AOC1: variants seen among roughly 807,000 people sequenced by gnomAD.
The protein encoded by AOC1 is amine oxidase copper containing 1, also known as diamine oxidase [copper-containing].
In AOC1, 58 loss-of-function variants were observed where a neutral mutation model predicts 57.1. That is an observed-to-expected ratio of 1.02 (90% CI 0.82 to 1.26). AOC1 has a LOEUF of 1.26. AOC1 is among the 50% of genes most tolerant of loss of function. AOC1 has a pLI of 0.00. For synonymous variants in AOC1, 401 were observed against 423.4 expected, an observed-to-expected ratio of 0.95 and a Z score of 0.65; for missense variants, 917 against 1,005.3, an observed-to-expected ratio of 0.91 and a Z score of 1.19.
chr7:150,858,900 A>T lies in AOC1; in HGVS notation c.1708A>T (p.Lys570Ter). 1 of 1,613,584 alleles carries T rather than the reference A, an allele frequency of 6.2e-7. No homozygotes were observed. Among genetic ancestry groups the T allele is most frequent in the Admixed American group, 1.7e-5 (1 of 59,958 alleles). Residue 570 changes from lysine to a stop codon, truncating the protein, a stop_gained, in exon 3 of 5, where the codon AAA (lysine) becomes TAA (stop). Transcript: ENST00000360937. LOFTEE classifies it high-confidence loss of function. ...GGAGCGCCAGGCGGCCTTCCGCTTC[A>T]AAAGGAAGCTGCCTAAGTACCTGCT... The part of the protein sequence containing the change: ...SWERQAAFRF[K>*]RKLPKYLLFT...
intron 1 of AOC1, among the ~76,000 whole-genome samples, chr7:150,854,783 G>A (rs1286405794): frequency 6.6e-6 from 1 of 152,188 alleles, no homozygotes; most frequent in Admixed American, 6.5e-5. Context: ...GTCACTCCAC[G>A]ATACACCCAA....
Position 150,860,963 on chromosome 7 carries a change from G to T in AOC1, c.2010G>T (p.Thr670=). 1 of 1,613,140 alleles carries T rather than the reference G, an allele frequency of 6.2e-7. No homozygotes were observed. Residue 670 remains threonine (T), a synonymous_variant, in exon 5 of 5, where the codon ACG becomes ACT. Transcript: ENST00000360937. Reference sequence around the variant, plus strand: ...TGCAGGACCTGGTGGCCTGGGTGACGGTGGGCTTCCTGCACATCCCCCACT... The same window carrying T: ...TGCAGGACCTGGTGGCCTGGGTGACTGTGGGCTTCCTGCACATCCCCCACT... ...IENEDLVAWV[T]VGFLHIPHSE...
chr7:150,860,562 C>G lies in AOC1; in HGVS notation c.1918C>G (p.Gln640Glu), dbSNP rs1799939021. 1 of 1,613,964 alleles carries G rather than the reference C, an allele frequency of 6.2e-7. No homozygotes were observed. The highest frequency in any genetic ancestry group is 8.5e-7 in the Non-Finnish European group (1 of 1,179,958). The change falls in exon 4 of 5, where the codon CAG becomes GAG. Residue 640 changes from glutamine (Q) to glutamate (E), a missense_variant. By Grantham distance (29) the Gln-to-Glu change is conservative. Transcript: ENST00000360937. ...SELCSSSIYH[Q>E]NDPWHPPVVF... The stretch of plus-strand genomic sequence containing the variant: ...GCTGTGCAGCAGCAGCATCTACCAC[C>G]AGAACGACCCCTGGCACCCGCCCGT...
chr7:150,858,977 G>T lies in AOC1; in HGVS notation c.1785G>T (p.Leu595=), dbSNP rs1355086950. 3.7e-6 allele frequency: 6 copies of T among 1,605,904 alleles called. No individual in the cohort carries two copies. The South Asian group carries it at 6.6e-5, about 18-fold the overall frequency. ...GGGGCCACAAGCGCACGTACCGCCT[G>T]CAGATCCACTCCATGGCCGACCAGG... ...NPWGHKRTYR[L]QIHSMADQVL... Residue 595 remains leucine, a synonymous_variant, in exon 3 of 5, where the codon CTG becomes CTT. Transcript: ENST00000360937.
intron 1 of AOC1, among the ~76,000 whole-genome samples, chr7:150,853,695 A>ATATATATATATATATATT (rs1244012491): frequency 2.4e-5 from 2 of 84,266 alleles, no homozygotes; most frequent in Non-Finnish European, 4.4e-5. Context: ...ATATATATAT[A>ATATATATATATATATATT]TATTTATTTA....
In AOC1 at chr7:150,856,563, G is replaced by A. The variant is rs1799780981; in HGVS notation, c.93G>A (p.Gly31=). 3 of 1,614,082 alleles carry A rather than the reference G, an allele frequency of 1.9e-6. No homozygotes were observed. The highest frequency in any genetic ancestry group is 2.5e-6 in the Non-Finnish European group (3 of 1,179,966). Residue 31 remains glycine (G), a synonymous_variant, in exon 2 of 5, where the codon GGG becomes GGA. Transcript: ENST00000360937. This position sits in a 1 kb window ranked among gnomAD's most constrained non-coding sequence, Gnocchi z 5.2. The part of the protein sequence containing the change: ...PSPGTLPRKA[G]VFSDLSNQEL... ...CGGGGACTCTGCCCAGGAAGGCAGG[G>A]GTGTTTTCAGACCTAAGCAACCAAG...
intron 1 of AOC1, chr7:150,854,013 C>T (rs1057314568): frequency 1.3e-5 from 2 of 152,060 alleles, no homozygotes; most frequent in African/African-American, 4.8e-5. Flanking sequence ...CAGAGCAAGA[C>T]TGTCTCAGGA....
In AOC1 at chr7:150,857,210, A is replaced by G; in HGVS notation, c.740A>G (p.Glu247Gly). The change falls in exon 2 of 5, where the codon GAG becomes GGG. Residue 247 changes from glutamate to glycine, a missense_variant. Glu to Gly is a moderately conservative substitution (Grantham distance 98, BLOSUM62 -2). Coordinates refer to ENST00000360937, the MANE Select transcript of AOC1 (RefSeq NM_001091.4). This position sits in a 1 kb window ranked among gnomAD's most constrained non-coding sequence, Gnocchi z 6.6. The part of the protein sequence containing the change: ...WYNGKFYGSP[E>G]ELARKYADGE... ...AACGGGAAGTTCTATGGGAGCCCAG[A>G]GGAACTGGCTCGGAAGTATGCAGAT... is the stretch of plus-strand genomic sequence containing the variant. 6 of 1,613,044 alleles carry G rather than the reference A, an allele frequency of 3.7e-6. No homozygotes were observed. The highest frequency in any genetic ancestry group is 1.7e-4 in the Middle Eastern group (1 of 6,058).
chr7:150,856,684 A>T lies in AOC1; in HGVS notation c.214A>T (p.Ile72Phe). ...TTMAKNTVFL[I>F]EMLLPKKYHV... ...CATGGCCAAGAACACCGTGTTTCTC[A>T]TCGAGATGCTGCTGCCCAAGAAGTA... Residue 72 changes from isoleucine (I) to phenylalanine (F), a missense_variant, in exon 2 of 5, where the codon ATC (isoleucine) becomes TTC (phenylalanine). Ile to Phe is a conservative substitution (Grantham distance 21). Transcript: ENST00000360937. The surrounding 1 kb of genome is among the most constrained non-coding windows in gnomAD (Gnocchi z 5.2). The T allele has an allele frequency of 6.2e-7, 1 of 1,614,154 alleles. No individual in the cohort carries two copies.
rs1027307125 is a variant in AOC1 at position 150,852,935 on chromosome 7, G to T, written c.-17+377G>T. ...TCCTGGAAAAGCAAAAAGAAACGTG[G>T]GTATAAGAGGTTGTAAAAAAGGAGA... On this transcript the variant is annotated intron_variant, in intron 1 of 4. Coordinates refer to ENST00000360937, the MANE Select transcript of AOC1 (RefSeq NM_001091.4). This position sits in a 1 kb window ranked among gnomAD's most constrained non-coding sequence, Gnocchi z 4.6. Among the ~76,000 whole-genome samples the T allele has an allele frequency of 2.0e-5, 3 of 152,086 alleles. No homozygotes were observed. The highest frequency in any genetic ancestry group is 7.2e-5 in the African/African-American group (3 of 41,408).
chr7:150,860,361 T>C, intron 3 of AOC1, 140 bp from the exon 4 acceptor site: 2 of 1,457,270 alleles, frequency 1.4e-6, no homozygotes, highest in Non-Finnish European at 1.9e-6. Flanking sequence ...CCCGTCCTGC[T>C]GACTCCCAGG....
chr7:150,855,341 T>C (rs772512664), intron 1 of AOC1, among the ~76,000 whole-genome samples: 19 of 152,070 alleles, frequency 1.2e-4, no homozygotes, highest in Non-Finnish European at 2.1e-4. Flanking sequence ...CCAGCATCTG[T>C]AGCAACAGCG....
chr7:150,861,043 G>C lies in AOC1; in HGVS notation c.2090G>C (p.Arg697Pro). 6.2e-7 allele frequency: 1 copy of C among 1,614,050 alleles called. No homozygotes were observed. The highest frequency in any genetic ancestry group is 8.5e-7 in the Non-Finnish European group (1 of 1,179,972). The change falls in exon 5 of 5, where the codon CGG becomes CCG. Residue 697 changes from arginine (R) to proline (P), a missense_variant. Coordinates refer to ENST00000360937, the MANE Select transcript of AOC1 (RefSeq NM_001091.4). This position sits in a 1 kb window ranked among gnomAD's most constrained non-coding sequence, Gnocchi z 4.5. ...GGGAACTCCGTGGGCTTCCTGCTCC[G>C]GCCATTCAACTTCTTCCCAGAGGAC... is the stretch of plus-strand genomic sequence containing the variant. ...TPGNSVGFLL[R>P]PFNFFPEDPS...
rs982627031 is a variant in AOC1, at chr7:150,857,483, A to C, written c.1013A>C (p.Asn338Thr). ...TCCTCCTCCGGGCTGCAGGTCCTGAACGTGCACTTCGGCGGAGAGCGCATT... is the reference window on the plus strand; with the variant it reads ...TCCTCCTCCGGGCTGCAGGTCCTGACCGTGCACTTCGGCGGAGAGCGCATT... Reference protein sequence around the residue: ...LRSSSGLQVLNVHFGGERIAY... With the variant: ...LRSSSGLQVLTVHFGGERIAY... Residue 338 changes from asparagine (N) to threonine (T), a missense_variant, in exon 2 of 5, where the codon AAC becomes ACC. Asn to Thr is a moderately conservative substitution (Grantham distance 65). Coordinates refer to ENST00000360937, the MANE Select transcript of AOC1 (RefSeq NM_001091.4). This position sits in a 1 kb window ranked among gnomAD's most constrained non-coding sequence, Gnocchi z 6.6. 6.2e-7 allele frequency: 1 copy of C among 1,613,372 alleles called. No individual in the cohort carries two copies. Among genetic ancestry groups the C allele is most frequent in the Non-Finnish European group, 8.5e-7 (1 of 1,179,838 alleles).
chr7:150,858,830 A>G lies in AOC1; in HGVS notation c.1638A>G (p.Arg546=), dbSNP rs1323993527. The G allele has an allele frequency of 1.2e-6, 2 of 1,613,584 alleles. No individual in the cohort carries two copies. Among genetic ancestry groups the G allele is most frequent in the African/African-American group, 2.7e-5 (2 of 74,894 alleles). ...LENITNPWSP[R]HRVVQPTLEQ... ...ACATCACCAACCCCTGGAGCCCAAG[A>G]CACCGCGTGGTCCAGCCAACTCTGG... The change falls in exon 3 of 5, where the codon AGA becomes AGG. Residue 546 remains arginine, a synonymous_variant. Coordinates refer to ENST00000360937, the MANE Select transcript of AOC1 (RefSeq NM_001091.4).
At position 150,857,538 on chromosome 7, in the gene AOC1, G is replaced by A. The variant is rs779163865; in HGVS notation, c.1068G>A (p.Val356=). 2 of 1,614,038 alleles carry A rather than the reference G, an allele frequency of 1.2e-6. No individual in the cohort carries two copies. The highest frequency in any genetic ancestry group is 2.7e-5 in the African/African-American group (2 of 75,054). The part of the protein sequence containing the change: ...IAYEVSVQEA[V]ALYGGHTPAG... ...ATGAGGTCAGCGTGCAAGAGGCAGT[G>A]GCGCTGTATGGAGGACACACACCTG... is the stretch of plus-strand genomic sequence containing the variant. The change falls in exon 2 of 5, where the codon GTG becomes GTA. Residue 356 remains valine (V), a synonymous_variant. Transcript: ENST00000360937. This position sits in a 1 kb window ranked among gnomAD's most constrained non-coding sequence, Gnocchi z 6.6.
At chr7:150,859,530 C>T (rs1799902469) in intron 3 of AOC1, among the ~76,000 whole-genome samples, 1 of 151,734 alleles carries the variant, frequency 6.6e-6, no homozygotes, top group South Asian at 2.1e-4. Flanking sequence ...GGTGAAACCT[C>T]ATCTCTACTA....
rs766302777 is a variant in AOC1, at chr7:150,858,019, C to T, written c.1549C>T (p.Arg517Cys). 1.0e-5 allele frequency: 16 copies of T among 1,528,556 alleles called. No homozygotes were observed. The South Asian group carries it at 1.1e-4, about 11-fold the overall frequency. 94.7% of individuals were successfully genotyped at this position (1,528,556 alleles called of 1,614,324 possible). A position where few individuals can be genotyped will look rare whatever the true frequency, so the allele number is the denominator to read the frequency against. The change falls in exon 2 of 5, where the codon CGC becomes TGC. Residue 517 changes from arginine (R) to cysteine (C), a missense_variant. Transcript: ENST00000360937. ...CATACACACTCACTTGGTGCACTAC[C>T]GCGTAGACCTGGATGTGGCAGGTAG... ...GNIHTHLVHYRVDLDVAGTKN... is the reference protein window; with the variant it reads ...GNIHTHLVHYCVDLDVAGTKN...
At position 150,857,620 on chromosome 7, in the gene AOC1, G is replaced by C. The variant is rs1240027739; in HGVS notation, c.1150G>C (p.Glu384Gln). Reference sequence around the variant, plus strand: ...CTGGGGCCTGGGCAGCGTCACTCATGAGTTAGCCCCCGGCATCGACTGCCC... The same window carrying C: ...CTGGGGCCTGGGCAGCGTCACTCATCAGTTAGCCCCCGGCATCGACTGCCC... ...VGWGLGSVTHELAPGIDCPET... is the reference protein window; with the variant it reads ...VGWGLGSVTHQLAPGIDCPET... Residue 384 changes from glutamate to glutamine, a missense_variant, in exon 2 of 5, where the codon GAG (glutamate) becomes CAG (glutamine). Glu to Gln is a conservative substitution (Grantham distance 29, BLOSUM62 2). Coordinates refer to ENST00000360937, the MANE Select transcript of AOC1 (RefSeq NM_001091.4). The surrounding 1 kb of genome is among the most constrained non-coding windows in gnomAD (Gnocchi z 6.6). 2.5e-6 allele frequency: 4 copies of C among 1,614,010 alleles called. No individual in the cohort carries two copies. In the Admixed American group the frequency reaches 6.7e-5, roughly 27 times the overall value.
Sources: allele counts gnomAD v4.1 joint callset (sites outside exome capture counted in the v4.1 genomes callset), GRCh38; gene constraint gnomAD v4.1.1; non-coding constraint Gnocchi (gnomAD v3.1); transcripts MANE v1.5; gene names NCBI Gene and HGNC (gene_info 2026-07-23, HGNC 2026-07-21).